PRKN: variants seen among roughly 807,000 people sequenced by gnomAD.
PRKN encodes the protein E3 ubiquitin-protein ligase parkin.
A neutral mutation model predicts 59.5 loss-of-function variants in PRKN; 56 were observed. The ratio of observed to expected loss-of-function variants is 0.94; its 90% CI spans 0.76 to 1.18. The LOEUF (loss-of-function observed/expected upper bound fraction) is 1.18, where lower values mean the gene tolerates loss of function less well. Among genes scored for constraint, PRKN ranks in the 50% most tolerant of loss-of-function variants. The pLI is 0.00. For missense variants in PRKN, 657 were observed against 596.4 expected, an observed-to-expected ratio of 1.10 and a Z score of -1.06; for synonymous variants, 250 against 222.1, an observed-to-expected ratio of 1.13 and a Z score of -1.12.
At chr6:161,758,768 C>T (rs1789059222) in intron 7 of PRKN, among the ~76,000 whole-genome samples, 2 of 152,152 alleles carry the variant, frequency 1.3e-5, no homozygotes, top group Admixed American at 1.3e-4. Context: ...AAAGGACTGG[C>T]CTGAAGTCAC....
chr6:161,415,271 T>C (rs567048672), intron 9 of PRKN, among the ~76,000 whole-genome samples: 11 of 152,240 alleles, frequency 7.2e-5, no homozygotes, highest in Admixed American at 5.9e-4. Context: ...CTTAAACTCA[T>C]TTTATATACG....
chr6:162,337,899 T>A (rs1783920546), intron 2 of PRKN, among the ~76,000 whole-genome samples: 1 of 152,106 alleles, frequency 6.6e-6, no homozygotes, highest in Non-Finnish European at 1.5e-5. Context: ...CTACTTCTAA[T>A]AGCAAAATAT....
intron 2 of PRKN, chr6:162,265,335 G>A: frequency 6.6e-6 from 1 of 152,298 alleles, no homozygotes. Flanking sequence ...TTTGGCCAAA[G>A]GGATGTTAGC....
intron 11 of PRKN, among the ~76,000 whole-genome samples, chr6:161,350,936 T>A (rs1244740971): frequency 1.2e-5 from 1 of 83,880 alleles, no homozygotes; most frequent in Admixed American, 2.1e-4. Flanking sequence ...AAAATATATA[T>A]AAATATATTT....
At chr6:162,301,709 G>C (rs1007115202) in intron 2 of PRKN, among the ~76,000 whole-genome samples, 1 of 143,922 alleles carries the variant, frequency 6.9e-6, no homozygotes, top group African/African-American at 2.5e-5. Flanking sequence ...AACATGAATT[G>C]CCTTGGTAAA....
chr6:161,658,035 G>GAA (rs1294907664), intron 7 of PRKN, among the ~76,000 whole-genome samples: 1 of 78,788 alleles, frequency 1.3e-5, no homozygotes, highest in Non-Finnish European at 2.7e-5. Flanking sequence ...AAAAAAAAAA[G>GAA]AAAAGAAAAG....
At chr6:161,913,941 G>A (rs1467284880) in intron 6 of PRKN, among the ~76,000 whole-genome samples, 6 of 152,162 alleles carry the variant, frequency 3.9e-5, no homozygotes, top group East Asian at 1.9e-4. Context: ...AATAAACCAC[G>A]AAGAGAGCCC....
chr6:161,885,446 C>T (rs1418101128), intron 6 of PRKN, among the ~76,000 whole-genome samples: 6 of 152,024 alleles, frequency 3.9e-5, no homozygotes, highest in Non-Finnish European at 8.8e-5. Context: ...GGGCAGATCA[C>T]GAGGTCAGGA....
At chr6:162,271,000 C>T (rs1338653209) in intron 2 of PRKN, among the ~76,000 whole-genome samples, 1 of 150,704 alleles carries the variant, frequency 6.6e-6, no homozygotes. Context: ...CGCCACTACA[C>T]CTAGCTAATT....
At chr6:161,823,230 C>A (rs1191513278) in intron 6 of PRKN, among the ~76,000 whole-genome samples, 3 of 151,952 alleles carry the variant, frequency 2.0e-5, no homozygotes, top group Non-Finnish European at 2.9e-5. Context: ...AGCCACTGTG[C>A]CCATCCTGGT....
Position 161,428,206 on chromosome 6 carries a change from T to C in PRKN, c.1084-41329A>G, listed in dbSNP as rs1189627744. On this transcript the variant is annotated intron_variant, in intron 9 of 11. Transcript: ENST00000366898. The surrounding 1 kb of genome is among the most constrained non-coding windows in gnomAD (Gnocchi z 4.0). ...GGGCAACTTCTTTCTTCTACTCACA[T>C]TCTGAATGAAATACATTAATAACTG... Among the ~76,000 whole-genome samples the C allele has an allele frequency of 2.0e-5, 3 of 152,228 alleles. No individual in the cohort carries two copies. Among genetic ancestry groups the C allele is most frequent in the Non-Finnish European group, 2.9e-5 (2 of 68,048 alleles).
chr6:162,385,486 C>T (rs1001266592), intron 2 of PRKN, among the ~76,000 whole-genome samples: 9 of 152,080 alleles, frequency 5.9e-5, no homozygotes, highest in Admixed American at 5.9e-4. Context: ...TTTACTGCTC[C>T]CTTTGATATG....
intron 1 of PRKN, among the ~76,000 whole-genome samples, chr6:162,663,788 A>G (rs1302977547): frequency 6.6e-6 from 1 of 152,162 alleles, no homozygotes. Flanking sequence ...CCCAAGTTAC[A>G]TGAAACTAAA....
intron 2 of PRKN, among the ~76,000 whole-genome samples, chr6:162,309,353 TG>T: frequency 6.6e-6 from 1 of 152,248 alleles, no homozygotes; most frequent in Non-Finnish European, 1.5e-5. Context: ...TTAGTAGAGA[TG>T]GGGTTTTACC....
At chr6:161,589,012 G>T (rs908370858) in intron 7 of PRKN, among the ~76,000 whole-genome samples, 10 of 152,268 alleles carry the variant, frequency 6.6e-5, no homozygotes, top group African/African-American at 2.2e-4. Flanking sequence ...GTAACAGAAG[G>T]CCATTTGTAG....
chr6:161,535,640 G>A (rs1306850443), intron 9 of PRKN, among the ~76,000 whole-genome samples: 5 of 152,148 alleles, frequency 3.3e-5, no homozygotes, highest in Admixed American at 2.0e-4. Flanking sequence ...TTTCTCTGTC[G>A]GAATACGAGT....
chr6:162,127,376 A>C (rs1252479873), intron 4 of PRKN, among the ~76,000 whole-genome samples: 2 of 152,248 alleles, frequency 1.3e-5, no homozygotes, highest in South Asian at 4.1e-4. Context: ...AAAGGAGCTA[A>C]AGAGTGAGAA....
intron 1 of PRKN, among the ~76,000 whole-genome samples, chr6:162,542,005 G>A (rs1003479869): frequency 9.9e-5 from 15 of 152,072 alleles, no homozygotes; most frequent in African/African-American, 2.7e-4. Flanking sequence ...AGGCTGTTGT[G>A]TTTGGTGAGT....
intron 7 of PRKN, among the ~76,000 whole-genome samples, chr6:161,644,490 G>A (rs779932140): frequency 3.3e-5 from 5 of 152,120 alleles, no homozygotes; most frequent in South Asian, 2.1e-4. Flanking sequence ...CGTGGATTTC[G>A]CCTGCCTGGC....
Sources: allele counts gnomAD v4.1 joint callset (sites outside exome capture counted in the v4.1 genomes callset), GRCh38; gene constraint gnomAD v4.1.1; non-coding constraint Gnocchi (gnomAD v3.1); transcripts MANE v1.5; gene names NCBI Gene and HGNC (gene_info 2026-07-23, HGNC 2026-07-21).